The following EIF4G3 variants were observed in gnomAD, a reference collection of about 807,000 sequenced individuals.
EIF4G3 encodes the protein eukaryotic translation initiation factor 4 gamma 3, also known as eIF-4-gamma 3.
A neutral mutation model predicts 186.4 loss-of-function variants in EIF4G3; 34 were observed. The ratio of observed to expected loss-of-function variants is 0.18; its 90% CI spans 0.14 to 0.24. The LOEUF (loss-of-function observed/expected upper bound fraction) is 0.24, where lower values mean the gene tolerates loss of function less well. EIF4G3 is among the 10% of genes least tolerant of loss of function. The pLI is 1.00. For missense variants in EIF4G3, 1,536 were observed against 1,948.5 expected (o/e 0.79, Z 3.99); for synonymous variants, 673 against 679.5 (o/e 0.99, Z 0.15).
intron 14 of EIF4G3, among the ~76,000 whole-genome samples, chr1:20,932,065 T>A (rs1010425355): frequency 3.3e-5 from 5 of 152,202 alleles, no homozygotes; most frequent in African/African-American, 1.2e-4. Flanking sequence ...CTTAGCTAGA[T>A]CATCTGGATA....
chr1:20,919,527 A>G (rs1404585206), intron 14 of EIF4G3, among the ~76,000 whole-genome samples: 1 of 152,178 alleles, frequency 6.6e-6, no homozygotes, highest in Non-Finnish European at 1.5e-5. Context: ...TATCATCATC[A>G]GTTTATATTG....
intron 2 of EIF4G3, among the ~76,000 whole-genome samples, chr1:21,107,332 T>A (rs1572651796): frequency 6.6e-6 from 1 of 152,070 alleles, no homozygotes; most frequent in Admixed American, 6.6e-5. Flanking sequence ...TGTACCACCA[T>A]GCCCAGCTAA....
At chr1:21,106,493 T>A (rs953524814) in intron 2 of EIF4G3, among the ~76,000 whole-genome samples, 1 of 152,116 alleles carries the variant, frequency 6.6e-6, no homozygotes, top group East Asian at 1.9e-4. Context: ...CTTGAGTAGT[T>A]AGGCAGACAG....
intron 28 of EIF4G3, among the ~76,000 whole-genome samples, chr1:20,850,551 AAAATAATCTTCAATTTAAACTG>A (rs1420749418): frequency 2.6e-5 from 4 of 152,246 alleles, no homozygotes; most frequent in Non-Finnish European, 4.4e-5. Flanking sequence ...AAAGAGGCTG[AAAATAATCTTCAATTTAAACTG>A]TTTTCCATTG....
At chr1:21,162,446 C>G (rs1573603383) in intron 2 of EIF4G3, among the ~76,000 whole-genome samples, 3 of 116,416 alleles carry the variant, frequency 2.6e-5, no homozygotes, top group Non-Finnish European at 3.8e-5. Flanking sequence ...AAGACATCAT[C>G]TTAAAAAAAA....
intron 2 of EIF4G3, among the ~76,000 whole-genome samples, chr1:21,156,781 T>G (rs1340664333): frequency 1.3e-5 from 2 of 152,118 alleles, no homozygotes; most frequent in Non-Finnish European, 2.9e-5. Flanking sequence ...TTGGAAAACC[T>G]TGGAAAAATT....
At chr1:20,917,653 A>T (rs1286324153) in intron 14 of EIF4G3, among the ~76,000 whole-genome samples, 1 of 152,202 alleles carries the variant, frequency 6.6e-6, no homozygotes, top group Non-Finnish European at 1.5e-5. Context: ...GATTTACAAA[A>T]CAGGCATAAG....
intron 2 of EIF4G3, among the ~76,000 whole-genome samples, chr1:21,094,765 T>TATAATAATAATAATAATAATA (rs368168938): frequency 7.1e-6 from 1 of 140,896 alleles, no homozygotes; most frequent in Non-Finnish European, 1.5e-5. Context: ...GAACTTAAAG[T>TATAATAATAATAATAATAATA]ATAATAATAA....
intron 12 of EIF4G3, among the ~76,000 whole-genome samples, chr1:20,963,509 C>T (rs569638710): frequency 2.8e-4 from 42 of 152,148 alleles, no homozygotes; most frequent in Admixed American, 1.7e-3. Context: ...TCCTAAGATA[C>T]GCTATCAATC....
intron 7 of EIF4G3, among the ~76,000 whole-genome samples, chr1:20,995,997 A>G (rs1232516106): frequency 6.6e-6 from 1 of 152,180 alleles, no homozygotes; most frequent in East Asian, 1.9e-4. Context: ...TCTCTCTTTT[A>G]GGAGTATTTG....
chr1:20,814,429 T>TA (rs1461109817), intron 34 of EIF4G3, among the ~76,000 whole-genome samples: 2 of 152,228 alleles, frequency 1.3e-5, no homozygotes, highest in African/African-American at 4.8e-5. Flanking sequence ...TTATACAGTG[T>TA]TATGTACTTG....
At chr1:20,811,318 G>T (rs903468471) in intron 35 of EIF4G3, among the ~76,000 whole-genome samples, 1 of 152,022 alleles carries the variant, frequency 6.6e-6, no homozygotes, top group African/African-American at 2.4e-5. Flanking sequence ...TCGCTATATT[G>T]CCCAAGCTGG....
chr1:20,869,754 GA>G (rs1369818235), intron 20 of EIF4G3, among the ~76,000 whole-genome samples: 1 of 111,044 alleles, frequency 9.0e-6, no homozygotes, highest in Non-Finnish European at 1.7e-5. Flanking sequence ...TAGCCTGGGT[GA>G]AAGAGCAAGA....
intron 3 of EIF4G3, among the ~76,000 whole-genome samples, chr1:21,079,174 T>G (rs1373402624): frequency 6.6e-6 from 1 of 152,172 alleles, no homozygotes; most frequent in African/African-American, 2.4e-5. Context: ...TGGACACCAT[T>G]GCCTAAAGAA....
In EIF4G3 at chr1:20,881,180, C is replaced by T. The variant is rs76737779; in HGVS notation, c.2425-1660G>A. Among the ~76,000 whole-genome samples the T allele has an allele frequency of 4.0e-3, 615 of 152,220 alleles. 6 individuals are homozygous for T. Among genetic ancestry groups the T allele is most frequent in the African/African-American group, 0.014 (575 of 41,516 alleles). ...GTCTAGAAATAGATGCACACATATA[C>T]GATGAACTGATTTTCAACAAAGATG... On this transcript the variant is annotated intron_variant, in intron 19 of 36. Coordinates refer to ENST00000602326, the MANE Select transcript of EIF4G3 (RefSeq NM_001391906.1).
At chr1:21,010,495 A>G (rs924627207) in intron 4 of EIF4G3, among the ~76,000 whole-genome samples, 2 of 152,162 alleles carry the variant, frequency 1.3e-5, no homozygotes, top group Admixed American at 1.3e-4. Context: ...AAAATTTACT[A>G]TCTTAACCAC....
At chr1:20,873,303 T>TA (rs1190959908) in intron 20 of EIF4G3, among the ~76,000 whole-genome samples, 3 of 152,222 alleles carry the variant, frequency 2.0e-5, no homozygotes, top group Non-Finnish European at 2.9e-5. Flanking sequence ...CTTTCCTGTA[T>TA]AAAAAATGCT....
At chr1:21,074,902 C>G (rs1214029503) in intron 3 of EIF4G3, among the ~76,000 whole-genome samples, 1 of 152,096 alleles carries the variant, frequency 6.6e-6, no homozygotes, top group African/African-American at 2.4e-5. Context: ...CAGCAAGACC[C>G]TGCCTCTACA....
chr1:21,059,875 G>A (rs990922649), intron 3 of EIF4G3, among the ~76,000 whole-genome samples: 4 of 152,320 alleles, frequency 2.6e-5, no homozygotes, highest in Admixed American at 1.3e-4. Context: ...AAACGAATAA[G>A]AAAGAAGCAC....
Sources: gnomAD v4.1 joint callset for allele counts (sites outside exome capture counted in the v4.1 genomes callset) on GRCh38, gnomAD v4.1.1 for gene constraint, MANE v1.5 for transcripts, NCBI Gene and HGNC (gene_info 2026-07-23, HGNC 2026-07-21) for gene names.